ANKS1B: variants seen among roughly 807,000 people sequenced by gnomAD.
ANKS1B encodes ankyrin repeat and sterile alpha motif domain-containing protein 1B.
In ANKS1B, 36 loss-of-function variants were observed where a neutral mutation model predicts 148.3. The observed-to-expected ratio is 0.24, with a 90% CI of 0.19 to 0.32. The LOEUF (loss-of-function observed/expected upper bound fraction) is 0.32, where lower values mean the gene tolerates loss of function less well. Ranked by LOEUF, ANKS1B falls within the 10% of genes least tolerant of loss-of-function variation. The pLI is 1.00. For synonymous variants in ANKS1B, 542 were observed against 560.8 expected (o/e 0.97, Z 0.47); for missense variants, 1,157 against 1,542.6 (o/e 0.75, Z 4.19).
chr12:99,649,460 C>T (rs1235044608), intron 9 of ANKS1B: 8 of 1,317,560 alleles, frequency 6.1e-6, no homozygotes, highest in East Asian at 2.3e-5. Flanking sequence ...AGTCATAAAA[C>T]CTATAGTGCC....
intron 1 of ANKS1B, among the ~76,000 whole-genome samples, chr12:99,914,156 T>C (rs1408033657): frequency 6.6e-6 from 1 of 152,182 alleles, no homozygotes; most frequent in Non-Finnish European, 1.5e-5. Context: ...GGGTCTGCTT[T>C]TGGGGAAAAC....
intron 12 of ANKS1B, among the ~76,000 whole-genome samples, chr12:99,392,307 TCA>T (rs1249055367): frequency 3.9e-5 from 6 of 152,234 alleles, no homozygotes; most frequent in African/African-American, 1.4e-4. Flanking sequence ...CAATCCCTGA[TCA>T]GTGTGAGAGG....
At chr12:99,731,920 A>C (rs1321240794) in intron 8 of ANKS1B, among the ~76,000 whole-genome samples, 2 of 152,208 alleles carry the variant, frequency 1.3e-5, no homozygotes, top group Admixed American at 1.3e-4. Context: ...AAATCTGATG[A>C]AGAACTTGTT....
At chr12:99,058,809 CTCACTGCA>C (rs1360012306) in intron 16 of ANKS1B, among the ~76,000 whole-genome samples, 1 of 139,358 alleles carries the variant, frequency 7.2e-6, no homozygotes, top group Non-Finnish European at 1.5e-5. Flanking sequence ...GCGATCTCGG[CTCACTGCA>C]AGCTCCGCCT....
At chr12:99,890,298 T>G (rs2093028480) in intron 1 of ANKS1B, among the ~76,000 whole-genome samples, 1 of 152,186 alleles carries the variant, frequency 6.6e-6, no homozygotes, top group South Asian at 2.1e-4. Context: ...CTCCCTAATG[T>G]AGATGAGGCT....
intron 14 of ANKS1B, among the ~76,000 whole-genome samples, chr12:99,197,487 T>G (rs1007585153): frequency 6.6e-6 from 1 of 152,134 alleles, no homozygotes; most frequent in African/African-American, 2.4e-5. Flanking sequence ...ATAAACATGT[T>G]AACTTGCAAG....
At chr12:99,224,254 T>C (rs886262543) in intron 14 of ANKS1B, among the ~76,000 whole-genome samples, 2 of 152,162 alleles carry the variant, frequency 1.3e-5, no homozygotes, top group Admixed American at 6.5e-5. Flanking sequence ...TCTGGAGAGG[T>C]AACAGAATAA....
At chr12:98,980,049 T>C (rs745312781) in intron 17 of ANKS1B, among the ~76,000 whole-genome samples, 4 of 152,210 alleles carry the variant, frequency 2.6e-5, no homozygotes, top group Non-Finnish European at 4.4e-5. Flanking sequence ...CACATTTTCA[T>C]GTCAGATATT....
chr12:98,928,920 A>T (rs1341133626), intron 17 of ANKS1B, among the ~76,000 whole-genome samples: 3 of 152,040 alleles, frequency 2.0e-5, no homozygotes, highest in African/African-American at 7.2e-5. Flanking sequence ...TCAATATAGT[A>T]TTGGGGGTGC....
intron 12 of ANKS1B, among the ~76,000 whole-genome samples, chr12:99,390,894 C>T (rs1319321837): frequency 2.6e-5 from 4 of 152,264 alleles, no homozygotes; most frequent in South Asian, 2.1e-4. Flanking sequence ...GACAGATGGC[C>T]GACCTGGCAG....
At chr12:99,047,966 A>G (rs1163460537) in intron 17 of ANKS1B, among the ~76,000 whole-genome samples, 5 of 152,152 alleles carry the variant, frequency 3.3e-5, no homozygotes, top group African/African-American at 1.2e-4. Flanking sequence ...TGCTAGCTTT[A>G]ATGTTTTGAT....
At chr12:99,039,434 G>A (rs2099957526) in intron 17 of ANKS1B, among the ~76,000 whole-genome samples, 1 of 152,230 alleles carries the variant, frequency 6.6e-6, no homozygotes, top group Non-Finnish European at 1.5e-5. Context: ...AGGGCATTGT[G>A]TGAACATACA....
At position 99,524,786 on chromosome 12, in the gene ANKS1B, AG is replaced by A. The variant is rs375755680; in HGVS notation, c.1273-20146del. Among the ~76,000 whole-genome samples the A allele has an allele frequency of 1.9e-3, 296 of 152,326 alleles. 1 individual carries two copies. The highest frequency in any genetic ancestry group is 6.7e-3 in the African/African-American group (280 of 41,574). On this transcript the variant is annotated intron_variant, in intron 9 of 26. Coordinates refer to ENST00000683438, the MANE Select transcript of ANKS1B (RefSeq NM_001352186.2). ...AGGGGAAACCCCTTATAAAACCATC[AG>A]ATCTCATGAGATTTATTCCCTACCA...
chr12:99,139,239 T>C (rs2069264662), intron 15 of ANKS1B, among the ~76,000 whole-genome samples: 1 of 145,958 alleles, frequency 6.9e-6, no homozygotes, highest in East Asian at 2.1e-4. Context: ...CTTCCTTCCT[T>C]CTCTCTTTCT....
intron 12 of ANKS1B, among the ~76,000 whole-genome samples, chr12:99,377,820 T>G (rs571043331): frequency 6.6e-6 from 1 of 152,362 alleles, no homozygotes; most frequent in South Asian, 2.1e-4. Context: ...TACTTTCTTC[T>G]AGAATCTTGT....
At chr12:99,741,839 C>G (rs975540492) in intron 8 of ANKS1B, among the ~76,000 whole-genome samples, 3 of 151,504 alleles carry the variant, frequency 2.0e-5, no homozygotes, top group African/African-American at 7.3e-5. Flanking sequence ...ACAGGTATAC[C>G]CATGTAACAA....
intron 17 of ANKS1B, among the ~76,000 whole-genome samples, chr12:98,842,506 T>C (rs569951520): frequency 3.3e-5 from 5 of 152,330 alleles, no homozygotes; most frequent in South Asian, 2.1e-4. Context: ...GTGTTGATGG[T>C]TGGATAGCTG....
intron 14 of ANKS1B, among the ~76,000 whole-genome samples, chr12:99,221,494 T>C (rs1011348113): frequency 3.3e-5 from 5 of 152,040 alleles, no homozygotes; most frequent in African/African-American, 4.8e-5. Flanking sequence ...TTCACATCAA[T>C]AGAAATAGAC....
intron 17 of ANKS1B, among the ~76,000 whole-genome samples, chr12:98,889,549 G>A (rs2099747790): frequency 6.6e-6 from 1 of 152,130 alleles, no homozygotes; most frequent in Admixed American, 6.5e-5. Flanking sequence ...GTTTCACCAT[G>A]TTGCCAAGAC....
Sources: gnomAD v4.1 joint callset for allele counts (sites outside exome capture counted in the v4.1 genomes callset) on GRCh38, gnomAD v4.1.1 for gene constraint, MANE v1.5 for transcripts, NCBI Gene and HGNC (gene_info 2026-07-23, HGNC 2026-07-21) for gene names.